MCM2: variants seen among roughly 807,000 people sequenced by gnomAD.
MCM2 encodes minichromosome maintenance complex component 2, also known as DNA replication licensing factor MCM2.
MCM2 carries 49 observed loss-of-function variants against 86.4 expected under a neutral mutation model. The ratio of observed to expected loss-of-function variants is 0.57; its 90% CI spans 0.45 to 0.72. MCM2 has a LOEUF of 0.72. MCM2 is among the 30% of genes least tolerant of loss of function. The pLI, the probability that MCM2 is intolerant of heterozygous loss-of-function variation, is 0.00. For synonymous variants in MCM2, 475 were observed against 484.6 expected, an observed-to-expected ratio of 0.98 and a Z score of 0.26; for missense variants, 1,038 against 1,259.9, an observed-to-expected ratio of 0.82 and a Z score of 2.67.
At position 127,619,046 on chromosome 3, in the gene MCM2, T is replaced by C; in HGVS notation, c.2033T>C (p.Phe678Ser). The C allele has an allele frequency of 1.2e-6, 2 of 1,605,946 alleles. No individual in the cohort carries two copies. The highest frequency in any genetic ancestry group is 1.7e-6 in the Non-Finnish European group (2 of 1,174,446). Reference sequence around the variant, plus strand: ...TCTTAGGACGAGATGCTGGCCCGCTTCGTGGTGGGCAGCCACGTCAGACAC... The same window carrying C: ...TCTTAGGACGAGATGCTGGCCCGCTCCGTGGTGGGCAGCCACGTCAGACAC... ...DPVQDEMLARFVVGSHVRHHP... is the reference protein window; with the variant it reads ...DPVQDEMLARSVVGSHVRHHP... The change falls in exon 13 of 16, where the codon TTC (phenylalanine) becomes TCC (serine). Residue 678 changes from phenylalanine to serine, a missense_variant. Around this residue, in one of 4 missense-constraint regions of MCM2, gnomAD observed 336 missense variants for 425.7 expected, o/e 0.79. Transcript: ENST00000265056.
At position 127,619,105 on chromosome 3, in the gene MCM2, A is replaced by G; in HGVS notation, c.2092A>G (p.Asn698Asp). The G allele has an allele frequency of 6.2e-7, 1 of 1,613,284 alleles. No homozygotes were observed. Among genetic ancestry groups the G allele is most frequent in the Non-Finnish European group, 8.5e-7 (1 of 1,179,676 alleles). Residue 698 changes from asparagine to aspartate, a missense_variant, in exon 13 of 16, where the codon AAT becomes GAT. Around this residue, in one of 4 missense-constraint regions of MCM2, gnomAD observed 336 missense variants for 425.7 expected, o/e 0.79. Transcript: ENST00000265056. ...PSNKEEEGLA[N>D]GSAAEPAMPN... The stretch of plus-strand genomic sequence containing the variant: ...CAACAAGGAGGAGGAGGGGCTGGCC[A>G]ATGGCAGCGCTGCTGAGCCCGCCAT...
intron 2 of MCM2, among the ~76,000 whole-genome samples, chr3:127,602,834 G>A (rs1253729319): frequency 6.6e-6 from 1 of 152,182 alleles, no homozygotes; most frequent in Non-Finnish European, 1.5e-5. Context: ...GTCAGAGATG[G>A]GGAAAGTACA....
chr3:127,600,068 T>G (rs536503928), intron 2 of MCM2, among the ~76,000 whole-genome samples: 1 of 152,284 alleles, frequency 6.6e-6, no homozygotes, highest in East Asian at 1.9e-4. Context: ...TCACCTGAGG[T>G]CAGGAGTTTG....
chr3:127,608,566 G>T (rs1350909229), intron 7 of MCM2, 50 bp downstream of exon 7: 10 of 1,608,098 alleles, frequency 6.2e-6, no homozygotes, highest in Non-Finnish European at 8.5e-6. Context: ...GAGGGAACTG[G>T]CAGAAGCAGT....
chr3:127,621,831 TCTGTG>T lies in MCM2; in HGVS notation c.*61_*65del. 1 of 1,343,486 alleles carries T rather than the reference TCTGTG, an allele frequency of 7.4e-7. No homozygotes were observed. Among genetic ancestry groups the T allele is most frequent in the Non-Finnish European group, 1.1e-6 (1 of 945,222 alleles). 83.2% of individuals were successfully genotyped at this position (1,343,486 alleles called of 1,614,324 possible). A position where few individuals can be genotyped will look rare whatever the true frequency, so the allele number is the denominator to read the frequency against. On this transcript the variant is annotated 3_prime_UTR_variant, in exon 16 of 16. Transcript: ENST00000265056. ...TTCTGGTTTGGGGTGGTCAGTGCCC[TCTGTG>T]CTTTATGGACACAAAACCAGAGCAC... is the stretch of plus-strand genomic sequence containing the variant.
chr3:127,606,369 C>A lies in MCM2; in HGVS notation c.893+32C>A, dbSNP rs376003409. 3 of 1,604,290 alleles carry A rather than the reference C, an allele frequency of 1.9e-6. No individual in the cohort carries two copies. The highest frequency in any genetic ancestry group is 2.6e-6 in the Non-Finnish European group (3 of 1,171,644). On this transcript the variant is annotated intron_variant, in intron 5 of 15. Transcript: ENST00000265056. This position sits in a 1 kb window ranked among gnomAD's most constrained non-coding sequence, Gnocchi z 4.2. ...TGAGGGCAGGTGAGGATGGCAGGTC[C>A]GAGCTCAGTGCTGGGTGACTCGGTC...
chr3:127,604,926 C>G lies in MCM2; in HGVS notation c.443C>G (p.Ala148Gly), dbSNP rs1355116640. 6 of 1,613,028 alleles carry G rather than the reference C, an allele frequency of 3.7e-6. No homozygotes were observed. The highest frequency in any genetic ancestry group is 5.1e-6 in the Non-Finnish European group (6 of 1,179,620). Residue 148 changes from alanine to glycine, a missense_variant, in exon 4 of 16, where the codon GCC becomes GGC. Physicochemically the swap from Ala to Gly is moderately conservative, Grantham distance 60. This residue lies in a region of MCM2 where 300 missense variants were observed against 307.4 expected (regional missense o/e 0.98). Transcript: ENST00000265056. ...DSDEEDEERPARKRRQVERAT... is the reference protein window; with the variant it reads ...DSDEEDEERPGRKRRQVERAT... ...GATGAGGAGGACGAGGAGCGCCCTG[C>G]CCGCAAGCGCCGCCAGGTGGAGCGG...
At chr3:127,600,194 T>C (rs2074297515) in intron 2 of MCM2, among the ~76,000 whole-genome samples, 3 of 152,144 alleles carry the variant, frequency 2.0e-5, no homozygotes, top group South Asian at 2.1e-4. Context: ...GGCAGGAGAA[T>C]CACTTCAACC....
At chr3:127,609,100 C>T in intron 8 of MCM2, 77 bp downstream of exon 8, 2 of 1,481,898 alleles carry the variant, frequency 1.3e-6, no homozygotes, top group Non-Finnish European at 1.9e-6. Flanking sequence ...GTGGTAGGCA[C>T]CTAGGGCTCA....
chr3:127,604,509 C>T, intron 2 of MCM2, 99 bp from the exon 3 acceptor site: 1 of 1,255,458 alleles, frequency 8.0e-7, no homozygotes. Flanking sequence ...CACAATGGGG[C>T]TCCTGAACCT....
Position 127,606,134 on chromosome 3 carries a change from G to A in MCM2, c.690G>A (p.Leu230=). The A allele has an allele frequency of 6.2e-7, 1 of 1,614,114 alleles. No individual in the cohort carries two copies. The highest frequency in any genetic ancestry group is 8.5e-7 in the Non-Finnish European group (1 of 1,179,960). ...CCCTTCTAGAGAACCGTGAGAGCCT[G>A]GTGGTGAACTATGAGGACTTGGCAG... The part of the protein sequence containing the change: ...SDMCKENRES[L]VVNYEDLAAR... Residue 230 remains leucine, a synonymous_variant, in exon 5 of 16, where the codon CTG becomes CTA. Transcript: ENST00000265056. This position sits in a 1 kb window ranked among gnomAD's most constrained non-coding sequence, Gnocchi z 4.2.
rs1469615875 is a variant in MCM2 at position 127,621,076 on chromosome 3, T to G, written c.2452T>G (p.Phe818Val). Residue 818 changes from phenylalanine (F) to valine (V), a missense_variant, in exon 15 of 16, where the codon TTT becomes GTT. Phe to Val is a conservative substitution (Grantham distance 50, BLOSUM62 -1). Transcript: ENST00000265056. ...GACTGAGGCTTTTTTCCTGCAGACTTTTGCCCGCTACCTTTCATTCCGGCG... is the reference window on the plus strand; with the variant it reads ...GACTGAGGCTTTTTTCCTGCAGACTGTTGCCCGCTACCTTTCATTCCGGCG... ...FSVMRSMRKT[F>V]ARYLSFRRDN... is the part of the protein sequence containing the mutation. 6.2e-7 allele frequency: 1 copy of G among 1,614,184 alleles called. No individual in the cohort carries two copies. The highest frequency in any genetic ancestry group is 1.1e-5 in the South Asian group (1 of 91,086).
chr3:127,614,231 C>T (rs575247058), intron 8 of MCM2, among the ~76,000 whole-genome samples: 6 of 152,272 alleles, frequency 3.9e-5, no homozygotes, highest in African/African-American at 1.4e-4. Flanking sequence ...TTTTCTGTAA[C>T]TACATCAGTA....
Position 127,617,686 on chromosome 3 carries a change from G to C in MCM2, c.1900+281G>C. Reference sequence around the variant, plus strand: ...CCCTCTGGCCAGGATGGAGTTGGCTGTTGGTCTCAGCAGCGAATGCGTAAA... The same window carrying C: ...CCCTCTGGCCAGGATGGAGTTGGCTCTTGGTCTCAGCAGCGAATGCGTAAA... On this transcript the variant is annotated intron_variant, in intron 11 of 15. Transcript: ENST00000265056. This position sits in a 1 kb window ranked among gnomAD's most constrained non-coding sequence, Gnocchi z 4.1. 1.7e-6 allele frequency: 1 copy of C among 591,092 alleles called. No homozygotes were observed. Among genetic ancestry groups the C allele is most frequent in the Non-Finnish European group, 3.0e-6 (1 of 333,532 alleles). 36.6% of individuals were successfully genotyped at this position (591,092 alleles called of 1,614,324 possible).
intron 7 of MCM2, 71 bp downstream of exon 7, chr3:127,608,587 C>T: frequency 6.3e-7 from 1 of 1,585,498 alleles, no homozygotes; most frequent in East Asian, 2.2e-5. Context: ...TGTGGCTGGG[C>T]CGGTGGCGGT....
Position 127,618,944 on chromosome 3 carries a change from A to G in MCM2, c.2014-83A>G. On this transcript the variant is annotated intron_variant, in intron 12 of 15. Transcript: ENST00000265056. The surrounding 1 kb of genome is among the most constrained non-coding windows in gnomAD (Gnocchi z 4.0). ...TGAAAGAGTGTCACCCTTGTAGGGC[A>G]CACTCAGCCCTTCTCCAGCCACTGA... is the stretch of plus-strand genomic sequence containing the variant. The G allele has an allele frequency of 1.4e-6, 2 of 1,401,112 alleles. No individual in the cohort carries two copies. The highest frequency in any genetic ancestry group is 1.9e-6 in the Non-Finnish European group (2 of 1,050,762). The allele number at this position is 1,401,112 out of a possible 1,614,324, so 86.8% of individuals were successfully genotyped here.
At chr3:127,616,712 G>A (rs2107694271) in intron 9 of MCM2, among the ~76,000 whole-genome samples, 156 bp from the exon 10 acceptor site, 1 of 152,344 alleles carries the variant, frequency 6.6e-6, no homozygotes, top group South Asian at 2.1e-4. Context: ...TGCCCAGAGT[G>A]GGACTGCATG....
In MCM2 at chr3:127,605,097, C is replaced by T. The variant is rs780372648; in HGVS notation, c.614C>T (p.Thr205Ile). Reference protein sequence around the residue: ...IHHRFKNFLRTHVDSHGHNVF... With the variant: ...IHHRFKNFLRIHVDSHGHNVF... The stretch of plus-strand genomic sequence containing the variant: ...CACCGCTTCAAGAACTTCCTGCGCA[C>T]TCACGTCGACAGCCACGGCCACAAC... Residue 205 changes from threonine to isoleucine, a missense_variant, in exon 4 of 16, where the codon ACT becomes ATT. Transcript: ENST00000265056. 15 of 1,614,060 alleles carry T rather than the reference C, an allele frequency of 9.3e-6. 1 individual carries two copies. Among genetic ancestry groups the T allele is most frequent in the South Asian group, 8.8e-5 (8 of 91,086 alleles).
chr3:127,615,037 C>G (rs1208637783), intron 8 of MCM2, among the ~76,000 whole-genome samples: 3 of 152,206 alleles, frequency 2.0e-5, no homozygotes, highest in Non-Finnish European at 2.9e-5. Flanking sequence ...GCAGGACATA[C>G]AGGATGCAGC....
Sources: gnomAD v4.1 joint callset for allele counts (sites outside exome capture counted in the v4.1 genomes callset) on GRCh38, gnomAD v4.1.1 for gene constraint, gnomAD v4.1.1 regional missense constraint, Gnocchi (gnomAD v3.1) non-coding constraint, MANE v1.5 for transcripts, NCBI Gene and HGNC (gene_info 2026-07-23, HGNC 2026-07-21) for gene names.